USP50: variants seen among roughly 807,000 people sequenced by gnomAD.
USP50 encodes ubiquitin carboxyl-terminal hydrolase 50.
Under a neutral mutation model 39.2 loss-of-function variants are expected in USP50, and 37 were observed. The ratio of observed to expected loss-of-function variants is 0.94; its 90% CI spans 0.73 to 1.24. The LOEUF (loss-of-function observed/expected upper bound fraction) is 1.24, where lower values mean the gene tolerates loss of function less well. Among genes scored for constraint, USP50 ranks in the 50% most tolerant of loss-of-function variants. The probability of loss-of-function intolerance (pLI) is 0.00; values close to 1 mark genes in which losing one functional copy is unlikely to be tolerated. For missense variants in USP50, 374 were observed against 398.2 expected, an observed-to-expected ratio of 0.94 and a Z score of 0.52; for synonymous variants, 139 against 144.5, an observed-to-expected ratio of 0.96 and a Z score of 0.27.
downstream of USP50, chr15:50,493,653 G>A: frequency 2.7e-6 from 1 of 376,288 alleles, no homozygotes; most frequent in Non-Finnish European, 5.2e-6. Context: ...GCTAAGGTGG[G>A]AGGATCACCT....
At chr15:50,508,613 C>T (rs2052695109) in intron 6 of USP50, 2 of 151,978 alleles carry the variant, frequency 1.3e-5, no homozygotes, top group African/African-American at 4.8e-5. Context: ...GAAGAGATAA[C>T]ACTGTAAGAG....
chr15:50,515,185 A>G (rs1003525804), intron 6 of USP50, among the ~76,000 whole-genome samples: 1 of 151,984 alleles, frequency 6.6e-6, no homozygotes, highest in Non-Finnish European at 1.5e-5. Context: ...TTTATTTTAT[A>G]CAATCTGTGC....
At chr15:50,495,833 T>C (rs1390187683), downstream of USP50, 1 of 1,585,710 alleles carries the variant, frequency 6.3e-7, no homozygotes, top group Non-Finnish European at 8.6e-7. Flanking sequence ...AGAGCTTAAA[T>C]CATTTTATTT....
At chr15:50,546,435 T>C (rs2053071566) in intron 1 of USP50, 38 bp downstream of exon 1, 1 of 1,610,760 alleles carries the variant, frequency 6.2e-7, no homozygotes, top group Non-Finnish European at 8.5e-7. Context: ...TTCCCACCAC[T>C]GGGCTAATCT....
chr15:50,544,970 G>A (rs1352223587), intron 1 of USP50, among the ~76,000 whole-genome samples, 189 bp from the exon 2 acceptor site: 21 of 152,254 alleles, frequency 1.4e-4, no homozygotes, highest in Admixed American at 1.4e-3. Flanking sequence ...GAGCATAGTG[G>A]CTCACACCTG....
chr15:50,522,799 C>G (rs1360418700), intron 6 of USP50, among the ~76,000 whole-genome samples: 1 of 152,172 alleles, frequency 6.6e-6, no homozygotes, highest in African/African-American at 2.4e-5. Flanking sequence ...GTGTGTGCCA[C>G]CACGCCAGGC....
chr15:50,498,477 C>T, downstream of USP50: 4 of 1,339,006 alleles, frequency 3.0e-6, no homozygotes, highest in South Asian at 1.8e-5. Context: ...TACTAAAATT[C>T]CAAGTCTTTG....
downstream of USP50, chr15:50,499,280 C>CACTT (rs2052528726): frequency 2.3e-6 from 1 of 433,182 alleles, no homozygotes; most frequent in Non-Finnish European, 3.8e-6. Context: ...CAGTAATCAT[C>CACTT]ACTTACAGGT....
chr15:50,496,958 A>AGGCAGGAACTCTTTT (rs755462478), downstream of USP50: 14 of 1,169,148 alleles, frequency 1.2e-5, no homozygotes, highest in Non-Finnish European at 1.5e-5. Flanking sequence ...AGCTTTGGGA[A>AGGCAGGAACTCTTTT]GGCAGGAACT....
downstream of USP50, chr15:50,500,506 TAAGATGA>T (rs1258896638): frequency 2.8e-6 from 1 of 351,850 alleles, no homozygotes; most frequent in Admixed American, 4.0e-5. Context: ...AGATTTATCT[TAAGATGA>T]AAGGTTGTAT....
downstream of USP50, chr15:50,493,133 AGGT>A: frequency 1.6e-6 from 1 of 624,336 alleles, no homozygotes; most frequent in South Asian, 1.5e-5. Flanking sequence ...ACAGGGTAGA[AGGT>A]GGAAGCGAAA....
chr15:50,527,560 C>A (rs1207757685), intron 6 of USP50, among the ~76,000 whole-genome samples: 1 of 151,890 alleles, frequency 6.6e-6, no homozygotes, highest in African/African-American at 2.4e-5. Flanking sequence ...TCCTGAGGAC[C>A]ACACCTTAAG....
At chr15:50,493,075 G>A (rs1489541470), downstream of USP50, 1 of 795,456 alleles carries the variant, frequency 1.3e-6, no homozygotes, top group Non-Finnish European at 2.1e-6. Context: ...GACTGGGAAG[G>A]CCATCGTCTA....
At chr15:50,528,983 C>G (rs2052919328) in intron 6 of USP50, among the ~76,000 whole-genome samples, 1 of 152,186 alleles carries the variant, frequency 6.6e-6, no homozygotes, top group East Asian at 1.9e-4. Flanking sequence ...AACAGAAACC[C>G]ACAGAATGGC....
At position 50,544,742 on chromosome 15, in the gene USP50, C is replaced by T. The variant is rs1420717764; in HGVS notation, c.93G>A (p.Lys31=). The change falls in exon 2 of 7, where the codon AAG becomes AAA. Residue 31 remains lysine, a synonymous_variant. Transcript: ENST00000532404. ...CTDYYDTLPV[K]EADGNQPHFQ... is the part of the protein sequence containing the mutation. ...AATGGGGCTGGTTCCCATCAGCCTC[C>T]TTAACTGGAAGGGTATCATAGTAAT... The T allele has an allele frequency of 1.2e-6, 2 of 1,613,906 alleles. No homozygotes were observed. The highest frequency in any genetic ancestry group is 1.7e-6 in the Non-Finnish European group (2 of 1,179,902).
At chr15:50,503,087 C>G (rs1416422460) in intron 6 of USP50, 1 of 152,256 alleles carries the variant, frequency 6.6e-6, no homozygotes, top group African/African-American at 2.4e-5. Flanking sequence ...GTGGCTCACG[C>G]CTGTAATCCC....
In USP50 at chr15:50,529,115, G is replaced by A. The variant is rs79867763; in HGVS notation, c.936+682C>T. 8.0e-3 allele frequency among the ~76,000 whole-genome samples: 1,218 copies of A among 152,138 alleles called. 13 individuals carry two copies. The highest frequency in any genetic ancestry group is 0.028 in the African/African-American group (1,168 of 41,498). Reference sequence around the variant, plus strand: ...GACTTAGAACCATAGGGACCCCAGCGTTTTTCTAGGCCTGGCTGCATACAG... The same window carrying A: ...GACTTAGAACCATAGGGACCCCAGCATTTTTCTAGGCCTGGCTGCATACAG... On this transcript the variant is annotated intron_variant, in intron 6 of 6. Transcript: ENST00000532404.
chr15:50,499,138 A>G (rs763839442), downstream of USP50: 2 of 1,502,718 alleles, frequency 1.3e-6, no homozygotes, highest in African/African-American at 1.4e-5. Context: ...CAGCAACACA[A>G]CTCTTGAAAT....
intron 6 of USP50, 199 bp from the exon 7 acceptor site, chr15:50,501,036 G>A (rs2052575820): frequency 1.9e-6 from 1 of 524,330 alleles, no homozygotes; most frequent in East Asian, 3.2e-5. Flanking sequence ...TATATGTTGT[G>A]CCCATTGACT....
Sources: gnomAD v4.1 joint callset for allele counts (sites outside exome capture counted in the v4.1 genomes callset) on GRCh38, gnomAD v4.1.1 for gene constraint, MANE v1.5 for transcripts, NCBI Gene and HGNC (gene_info 2026-07-23, HGNC 2026-07-21) for gene names.